SRPK2: variants seen among roughly 807,000 people sequenced by gnomAD.
SRPK2 encodes SFRS protein kinase 2.
Under a neutral mutation model 90.8 loss-of-function variants are expected in SRPK2, and 21 were observed. That is an observed-to-expected ratio of 0.23 (90% CI 0.16 to 0.33). The LOEUF is 0.33. Among genes scored for constraint, SRPK2 ranks in the 10% least tolerant of loss-of-function variants. SRPK2 has a pLI of 1.00. For missense variants in SRPK2, 620 were observed against 869.0 expected, an observed-to-expected ratio of 0.71 and a Z score of 3.60; for synonymous variants, 288 against 311.1, an observed-to-expected ratio of 0.93 and a Z score of 0.78.
At chr7:105,212,824 C>T (rs972036812) in intron 2 of SRPK2, among the ~76,000 whole-genome samples, 1 of 152,172 alleles carries the variant, frequency 6.6e-6, no homozygotes, top group Non-Finnish European at 1.5e-5. Context: ...CCATGCATTC[C>T]GCATCCATGG....
intron 2 of SRPK2, among the ~76,000 whole-genome samples, chr7:105,382,484 G>A (rs943809949): frequency 2.0e-5 from 3 of 149,128 alleles, no homozygotes; most frequent in African/African-American, 7.4e-5. Context: ...CCCAGGAAGC[G>A]GAGGTTACGG....
chr7:105,277,623 C>T (rs1407045013), intron 2 of SRPK2, among the ~76,000 whole-genome samples: 1 of 152,124 alleles, frequency 6.6e-6, no homozygotes, highest in African/African-American at 2.4e-5. Flanking sequence ...AAAAGGGAGT[C>T]CCTGTTATCC....
chr7:105,307,529 T>C (rs1049995195), intron 2 of SRPK2, among the ~76,000 whole-genome samples: 20 of 152,250 alleles, frequency 1.3e-4, no homozygotes, highest in Admixed American at 6.5e-4. Context: ...TGCTCTCTCT[T>C]ATTTTTTCCA....
At chr7:105,203,228 G>A (rs765702565) in intron 3 of SRPK2, among the ~76,000 whole-genome samples, 34 of 152,176 alleles carry the variant, frequency 2.2e-4, no homozygotes, top group Non-Finnish European at 4.9e-4. Flanking sequence ...GAACTCAAGC[G>A]ATCTGCCCAC....
chr7:105,336,792 T>C (rs1323040740), intron 2 of SRPK2, among the ~76,000 whole-genome samples: 1 of 152,058 alleles, frequency 6.6e-6, no homozygotes, highest in Non-Finnish European at 1.5e-5. Context: ...AATGTGAACA[T>C]GGATTGAGTT....
At chr7:105,271,776 T>C (rs1234629313) in intron 2 of SRPK2, among the ~76,000 whole-genome samples, 1 of 152,188 alleles carries the variant, frequency 6.6e-6, no homozygotes, top group Non-Finnish European at 1.5e-5. Context: ...CCGCAAACAC[T>C]TTCCCCCTCA....
chr7:105,229,171 G>A (rs1799107084), intron 2 of SRPK2, among the ~76,000 whole-genome samples: 1 of 152,020 alleles, frequency 6.6e-6, no homozygotes, highest in African/African-American at 2.4e-5. Flanking sequence ...GCTTTAAAAC[G>A]ACCATCCTTT....
rs1037714372 is a variant in SRPK2 at position 105,329,524 on chromosome 7, G to A, written c.71+59124C>T. Among the ~76,000 whole-genome samples, 6 of 151,374 alleles carry A rather than the reference G, an allele frequency of 4.0e-5. 1 individual carries two copies. The highest frequency in any genetic ancestry group is 6.6e-5 in the Admixed American group (1 of 15,172). On this transcript the variant is annotated intron_variant, in intron 2 of 15. Coordinates refer to ENST00000393651, the MANE Select transcript of SRPK2 (RefSeq NM_182692.3). ...GGGGAGAATCACTTGAACCTGGGAG[G>A]TGGAGGCTGCAGTGAGCCGAGATCG...
At chr7:105,180,239 T>C (rs535334090) in intron 3 of SRPK2, among the ~76,000 whole-genome samples, 2 of 151,984 alleles carry the variant, frequency 1.3e-5, no homozygotes, top group South Asian at 2.1e-4. Flanking sequence ...CAAAGACCAA[T>C]GGAACAGAGT....
chr7:105,244,957 C>A, intron 2 of SRPK2: 1 of 1,436,758 alleles, frequency 7.0e-7, no homozygotes, highest in Non-Finnish European at 9.6e-7. Context: ...AAAGCCGCTG[C>A]CAAGAAAGAC....
intron 2 of SRPK2, among the ~76,000 whole-genome samples, chr7:105,284,527 G>C (rs1414575357): frequency 6.6e-6 from 1 of 152,142 alleles, no homozygotes; most frequent in Non-Finnish European, 1.5e-5. Flanking sequence ...TTCAACAGGT[G>C]ATTGAGATTT....
intron 2 of SRPK2, among the ~76,000 whole-genome samples, chr7:105,216,028 C>A (rs1223443411): frequency 6.7e-6 from 1 of 148,452 alleles, no homozygotes; most frequent in African/African-American, 2.5e-5. Flanking sequence ...TAAATAGCCA[C>A]TGCACTCCAG....
chr7:105,329,800 C>T (rs1048184083), intron 2 of SRPK2, among the ~76,000 whole-genome samples: 6 of 151,810 alleles, frequency 4.0e-5, no homozygotes, highest in Admixed American at 1.3e-4. Flanking sequence ...GAGGCCGAGA[C>T]GGGCAAATTA....
chr7:105,229,452 A>G (rs1799157809), intron 2 of SRPK2, among the ~76,000 whole-genome samples: 1 of 149,630 alleles, frequency 6.7e-6, no homozygotes, highest in African/African-American at 2.5e-5. Context: ...CGACAGAGCA[A>G]GACTCCGTCT....
rs71152969 is a variant in SRPK2 at position 105,382,552 on chromosome 7, C to CAA, written c.71+6094_71+6095dup. ...GGGCAACAAGAGCAAAACTCCATCT[C>CAA]AAAAAAAAAAAAAAAAAAAAAAAAA... is the stretch of plus-strand genomic sequence containing the variant. On this transcript the variant is annotated intron_variant, in intron 2 of 15. Transcript: ENST00000393651. Among the ~76,000 whole-genome samples the CAA allele has an allele frequency of 5.5e-3, 417 of 75,866 alleles. 16 individuals carry two copies. Among genetic ancestry groups the CAA allele is most frequent in the Admixed American group, 7.0e-3 (42 of 5,984 alleles). The allele number at this position is 75,866 out of a possible 152,430, so 49.8% of individuals were successfully genotyped here. A position where few individuals can be genotyped will look rare whatever the true frequency, so the allele number is the denominator to read the frequency against.
chr7:105,351,615 C>T (rs528435011), intron 2 of SRPK2, among the ~76,000 whole-genome samples: 3 of 151,980 alleles, frequency 2.0e-5, no homozygotes, highest in Non-Finnish European at 4.4e-5. Context: ...CCAGCCTTGC[C>T]AAAATGGTGA....
At chr7:105,208,017 T>C (rs1796414134) in intron 2 of SRPK2, among the ~76,000 whole-genome samples, 1 of 152,136 alleles carries the variant, frequency 6.6e-6, no homozygotes, top group Non-Finnish European at 1.5e-5. Context: ...AAAGAGGATA[T>C]ACACATGACC....
In SRPK2 at chr7:105,127,489, G is replaced by A. The variant is rs117363195; in HGVS notation, c.1753-427C>T. ...GCAGACACTGCTGCGTCTTTTAGGCGAAGACCTTCATGTTTTAGTAACCAA... is the reference window on the plus strand; with the variant it reads ...GCAGACACTGCTGCGTCTTTTAGGCAAAGACCTTCATGTTTTAGTAACCAA... On this transcript the variant is annotated intron_variant, in intron 13 of 15. Coordinates refer to ENST00000393651, the MANE Select transcript of SRPK2 (RefSeq NM_182692.3). Among the ~76,000 whole-genome samples, 584 of 152,340 alleles carry A rather than the reference G, an allele frequency of 3.8e-3. 15 individuals carry two copies. In the East Asian group the frequency reaches 0.062, roughly 16 times the overall value.
At chr7:105,292,005 C>T (rs541060619) in intron 2 of SRPK2, among the ~76,000 whole-genome samples, 9 of 152,166 alleles carry the variant, frequency 5.9e-5, no homozygotes, top group African/African-American at 1.9e-4. Flanking sequence ...TGCTGTTTAT[C>T]CCAAAATGAT....
Sources: gnomAD v4.1 joint callset for allele counts (sites outside exome capture counted in the v4.1 genomes callset) on GRCh38, gnomAD v4.1.1 for gene constraint, MANE v1.5 for transcripts, NCBI Gene and HGNC (gene_info 2026-07-23, HGNC 2026-07-21) for gene names.